The following CCDC102B variants were observed in gnomAD, a reference collection of about 807,000 sequenced individuals.
CCDC102B encodes coiled-coil domain-containing protein 102B.
CCDC102B carries 75 observed loss-of-function variants against 57.4 expected under a neutral mutation model. The ratio of observed to expected loss-of-function variants is 1.31; its 90% CI spans 1.08 to 1.58. The LOEUF (loss-of-function observed/expected upper bound fraction) is 1.58, where lower values mean the gene tolerates loss of function less well. Among genes scored for constraint, CCDC102B ranks in the 40% most tolerant of loss-of-function variants. The pLI is 0.00. For synonymous variants in CCDC102B, 206 were observed against 201.9 expected, an observed-to-expected ratio of 1.02 and a Z score of -0.17; for missense variants, 636 against 582.6, an observed-to-expected ratio of 1.09 and a Z score of -0.94.
intron 6 of CCDC102B, among the ~76,000 whole-genome samples, chr18:68,918,663 A>G (rs920943077): frequency 6.6e-6 from 1 of 152,202 alleles, no homozygotes; most frequent in African/African-American, 2.4e-5. Flanking sequence ...AGAAGACATA[A>G]TGAGCTTCTG....
intron 6 of CCDC102B, among the ~76,000 whole-genome samples, chr18:68,959,595 G>A (rs992626740): frequency 2.6e-5 from 4 of 152,060 alleles, no homozygotes; most frequent in African/African-American, 7.2e-5. Flanking sequence ...TCAGGGCAGC[G>A]AGTTCCCCTG....
chr18:68,790,725 T>A (rs1398860964), intron 2 of CCDC102B, among the ~76,000 whole-genome samples: 5 of 152,146 alleles, frequency 3.3e-5, no homozygotes, highest in African/African-American at 1.2e-4. Flanking sequence ...CTGCGCCCAC[T>A]GTCTGGCACT....
chr18:69,042,151 G>C (rs2052450478), intron 7 of CCDC102B, among the ~76,000 whole-genome samples: 1 of 152,042 alleles, frequency 6.6e-6, no homozygotes, highest in Non-Finnish European at 1.5e-5. Context: ...TGGAAAAACT[G>C]GGAAGTTCTC....
At chr18:68,997,181 C>T (rs2051051771) in intron 6 of CCDC102B, among the ~76,000 whole-genome samples, 1 of 152,130 alleles carries the variant, frequency 6.6e-6, no homozygotes, top group Admixed American at 6.5e-5. Flanking sequence ...GTCAATTAAA[C>T]CTCTTTTCTT....
In CCDC102B at chr18:68,843,141, A is replaced by G. The variant is rs1019401917; in HGVS notation, c.828-3172A>G. On this transcript the variant is annotated intron_variant, in intron 3 of 7. Transcript: ENST00000360242. ...GCTAACACCCAGTGCTGAAAGATGT[A>G]ATTATGAATAGTAGGAAGTGCAGTT... Among the ~76,000 whole-genome samples, 6 of 152,330 alleles carry G rather than the reference A, an allele frequency of 3.9e-5. No homozygotes were observed. The East Asian group carries it at 7.7e-4, about 20-fold the overall frequency.
intron 6 of CCDC102B, among the ~76,000 whole-genome samples, chr18:68,944,296 T>A (rs1383675973): frequency 6.6e-6 from 1 of 151,620 alleles, no homozygotes; most frequent in Non-Finnish European, 1.5e-5. Context: ...AGGTAGCCAG[T>A]CAGAGTAAAA....
chr18:68,956,420 A>ATTATTT (rs1568352195), intron 6 of CCDC102B, among the ~76,000 whole-genome samples: 4 of 34,314 alleles, frequency 1.2e-4, no homozygotes, highest in East Asian at 9.8e-3. Context: ...TATATATTAT[A>ATTATTT]TATATTATAC....
chr18:68,960,549 A>G (rs1183947394), intron 6 of CCDC102B, among the ~76,000 whole-genome samples: 1 of 152,096 alleles, frequency 6.6e-6, no homozygotes, highest in African/African-American at 2.4e-5. Flanking sequence ...CCTCAAGTAC[A>G]CTGGCTCAGA....
chr18:68,970,840 C>T (rs2145258723), intron 6 of CCDC102B, among the ~76,000 whole-genome samples: 1 of 152,012 alleles, frequency 6.6e-6, no homozygotes, highest in East Asian at 1.9e-4. Flanking sequence ...TAAGGTAATG[C>T]TTATATCCTA....
chr18:68,960,426 C>T (rs992186250), intron 6 of CCDC102B, among the ~76,000 whole-genome samples: 1 of 152,124 alleles, frequency 6.6e-6, no homozygotes, highest in Admixed American at 6.5e-5. Flanking sequence ...TTTCAGTCTT[C>T]AAGAGGGAAG....
chr18:69,018,658 T>A (rs2051738706), intron 7 of CCDC102B, among the ~76,000 whole-genome samples: 1 of 152,304 alleles, frequency 6.6e-6, no homozygotes, highest in East Asian at 1.9e-4. Context: ...AATTTTAAAA[T>A]GAATTTTAAT....
chr18:68,822,327 T>C (rs965313523), intron 1 of CCDC102B, among the ~76,000 whole-genome samples: 16 of 151,600 alleles, frequency 1.1e-4, no homozygotes, highest in Non-Finnish European at 2.1e-4. Flanking sequence ...CTGGGAGGCG[T>C]AGGTTGCAGT....
chr18:68,942,810 G>T (rs1198253815), intron 6 of CCDC102B, among the ~76,000 whole-genome samples: 1 of 151,052 alleles, frequency 6.6e-6, no homozygotes, highest in Admixed American at 6.6e-5. Flanking sequence ...CCTCAGCACA[G>T]ACCCTTTACA....
chr18:68,914,972 G>GT (rs2041012472), intron 6 of CCDC102B, among the ~76,000 whole-genome samples: 1 of 42,384 alleles, frequency 2.4e-5, no homozygotes, highest in African/African-American at 8.8e-5. Context: ...GCACTACTGG[G>GT]GGGAGAGAGA....
chr18:68,962,333 C>G (rs888917630), intron 6 of CCDC102B, among the ~76,000 whole-genome samples: 4 of 152,068 alleles, frequency 2.6e-5, no homozygotes. Flanking sequence ...TTATCTGCAA[C>G]TATCCAAGAA....
At chr18:68,749,340 G>T (rs1463835528) in intron 2 of CCDC102B, among the ~76,000 whole-genome samples, 3 of 151,940 alleles carry the variant, frequency 2.0e-5, no homozygotes, top group Non-Finnish European at 4.4e-5. Context: ...GATGGGGATG[G>T]CATTGAATCT....
At chr18:69,001,185 C>A in intron 6 of CCDC102B, among the ~76,000 whole-genome samples, 1 of 152,124 alleles carries the variant, frequency 6.6e-6, no homozygotes, top group East Asian at 1.9e-4. Context: ...ACTCATATTT[C>A]AAATTTCAGA....
In CCDC102B at chr18:68,836,871, C is replaced by T. The variant is rs2037399781; in HGVS notation, c.108C>T (p.Pro36=). 6.2e-7 allele frequency: 1 copy of T among 1,614,122 alleles called. No individual in the cohort carries two copies. Among genetic ancestry groups the T allele is most frequent in the Non-Finnish European group, 8.5e-7 (1 of 1,180,010 alleles). ...RGDMVAPASP[P]RDTCNTCFPL... ...ACATGGTGGCACCTGCCTCACCCCC[C>T]AGGGATACCTGTAATACCTGCTTCC... Residue 36 remains proline, a synonymous_variant, in exon 2 of 8, where the codon CCC becomes CCT. Coordinates refer to ENST00000360242, the MANE Select transcript of CCDC102B (RefSeq NM_024781.3).
chr18:68,824,949 G>C (rs1256667728), intron 1 of CCDC102B, among the ~76,000 whole-genome samples: 1 of 152,090 alleles, frequency 6.6e-6, no homozygotes, highest in African/African-American at 2.4e-5. Context: ...AAATATATAT[G>C]TACCTCTATG....
Sources: allele counts gnomAD v4.1 joint callset (sites outside exome capture counted in the v4.1 genomes callset), GRCh38; gene constraint gnomAD v4.1.1; transcripts MANE v1.5; gene names NCBI Gene and HGNC (gene_info 2026-07-23, HGNC 2026-07-21).